NDUFS4: variants seen among roughly 807,000 people sequenced by gnomAD.
NDUFS4 encodes the protein NADH:ubiquinone oxidoreductase subunit S4, also known as NADH dehydrogenase [ubiquinone] iron-sulfur protein 4, mitochondrial.
NDUFS4 carries 28 observed loss-of-function variants against 24.3 expected under a neutral mutation model. That is an observed-to-expected ratio of 1.15 (90% CI 0.85 to 1.58). The LOEUF is 1.58. Among genes scored for constraint, NDUFS4 ranks in the 40% most tolerant of loss-of-function variants. The pLI, the probability that NDUFS4 is intolerant of heterozygous loss-of-function variation, is 0.00. For synonymous variants in NDUFS4, 93 were observed against 69.7 expected, an observed-to-expected ratio of 1.34 and a Z score of -1.67; for missense variants, 223 against 207.9, an observed-to-expected ratio of 1.07 and a Z score of -0.45.
Position 53,630,197 on chromosome 5 carries a change from G to A in NDUFS4, c.178-16036G>A, listed in dbSNP as rs139368516. On this transcript the variant is annotated intron_variant, in intron 2 of 4. Coordinates refer to ENST00000296684, the MANE Select transcript of NDUFS4 (RefSeq NM_002495.4). ...GAAAGTTCTTTTCTTTAAGAATGTTGAATATTGACCCCTACTCTCTTCTGG... is the reference window on the plus strand; with the variant it reads ...GAAAGTTCTTTTCTTTAAGAATGTTAAATATTGACCCCTACTCTCTTCTGG... Among the ~76,000 whole-genome samples the A allele has an allele frequency of 2.8e-4, 43 of 152,348 alleles. No homozygotes were observed. In the East Asian group the frequency reaches 7.9e-3, roughly 28 times the overall value.
chr5:53,681,156 A>C (rs1334875847), intron 4 of NDUFS4, among the ~76,000 whole-genome samples: 1 of 152,118 alleles, frequency 6.6e-6, no homozygotes. Flanking sequence ...TTGAGTGCCT[A>C]CTATAAACCA....
intron 4 of NDUFS4, among the ~76,000 whole-genome samples, chr5:53,672,823 C>T (rs1392691242): frequency 6.6e-6 from 1 of 151,846 alleles, no homozygotes; most frequent in Non-Finnish European, 1.5e-5. Context: ...GGAAACCACA[C>T]CAAGAACTTG....
chr5:53,617,264 T>G (rs960979095), intron 2 of NDUFS4, among the ~76,000 whole-genome samples: 1 of 152,178 alleles, frequency 6.6e-6, no homozygotes, highest in Non-Finnish European at 1.5e-5. Context: ...GTTCTGCCTC[T>G]CCTTTCCCCC....
chr5:53,607,751 T>A (rs1352889626), intron 2 of NDUFS4, among the ~76,000 whole-genome samples: 1 of 152,194 alleles, frequency 6.6e-6, no homozygotes, highest in Non-Finnish European at 1.5e-5. Context: ...CATATCTGTA[T>A]GATAATGAGT....
intron 4 of NDUFS4, among the ~76,000 whole-genome samples, chr5:53,665,407 A>G (rs1021520715): frequency 5.9e-5 from 9 of 152,176 alleles, no homozygotes; most frequent in African/African-American, 2.2e-4. Context: ...TTGTTTGGCT[A>G]TGCCCTACCC....
intron 4 of NDUFS4, among the ~76,000 whole-genome samples, chr5:53,663,445 A>G (rs546190185): frequency 6.6e-6 from 1 of 152,122 alleles, no homozygotes; most frequent in Non-Finnish European, 1.5e-5. Context: ...AAAGTCTCCC[A>G]TTGTTATTGC....
At chr5:53,636,924 C>T (rs1277179294) in intron 2 of NDUFS4, among the ~76,000 whole-genome samples, 2 of 152,128 alleles carry the variant, frequency 1.3e-5, no homozygotes, top group Non-Finnish European at 2.9e-5. Flanking sequence ...CCCAGCCATG[C>T]TTCTTGTACA....
intron 4 of NDUFS4, among the ~76,000 whole-genome samples, chr5:53,668,456 T>C (rs1752577914): frequency 6.6e-6 from 1 of 151,858 alleles, no homozygotes; most frequent in Non-Finnish European, 1.5e-5. Context: ...AAAACCTTTT[T>C]TTTGGAGGGG....
At chr5:53,595,554 A>T (rs768470513) in intron 1 of NDUFS4, among the ~76,000 whole-genome samples, 28 of 152,138 alleles carry the variant, frequency 1.8e-4, no homozygotes, top group Admixed American at 5.2e-4. Flanking sequence ...TTCTTCTCTC[A>T]TGTATATTTA....
chr5:53,583,202 A>G (rs967516073), intron 1 of NDUFS4, among the ~76,000 whole-genome samples: 7 of 152,120 alleles, frequency 4.6e-5, no homozygotes, highest in South Asian at 2.1e-4. Context: ...TTATGAAATA[A>G]CTGTTTGGGT....
chr5:53,635,424 G>T lies in NDUFS4; in HGVS notation c.178-10809G>T, dbSNP rs1450602550. Among the ~76,000 whole-genome samples the T allele has an allele frequency of 2.0e-5, 3 of 152,134 alleles. No individual in the cohort carries two copies. In the East Asian group the frequency reaches 5.8e-4, roughly 29 times the overall value. On this transcript the variant is annotated intron_variant, in intron 2 of 4. Coordinates refer to ENST00000296684, the MANE Select transcript of NDUFS4 (RefSeq NM_002495.4). ...AGTCTTAGCTACTCAGGAGGCTGAG[G>T]TGGTATGATCACCTGAGCCCAGAAA...
At chr5:53,594,255 G>T (rs1750063004) in intron 1 of NDUFS4, among the ~76,000 whole-genome samples, 1 of 152,072 alleles carries the variant, frequency 6.6e-6, no homozygotes, top group South Asian at 2.1e-4. Context: ...GTTACATCTT[G>T]TTGGAGAACT....
At chr5:53,589,443 G>A (rs1749872468) in intron 1 of NDUFS4, among the ~76,000 whole-genome samples, 1 of 152,198 alleles carries the variant, frequency 6.6e-6, no homozygotes. Context: ...TTGGTTACTG[G>A]GATGTAGGAA....
intron 4 of NDUFS4, among the ~76,000 whole-genome samples, chr5:53,667,195 G>A (rs1752539019): frequency 6.6e-6 from 1 of 151,548 alleles, no homozygotes; most frequent in Admixed American, 6.6e-5. Flanking sequence ...GCCAGGCGCG[G>A]TGGCTCACGC....
intron 1 of NDUFS4, among the ~76,000 whole-genome samples, chr5:53,583,266 T>TTA (rs1198563154): frequency 6.6e-6 from 1 of 152,228 alleles, no homozygotes; most frequent in East Asian, 1.9e-4. Context: ...ATGATGACTT[T>TTA]TATAGCTTTA....
chr5:53,630,440 G>A (rs1751377156), intron 2 of NDUFS4, among the ~76,000 whole-genome samples: 1 of 151,890 alleles, frequency 6.6e-6, no homozygotes, highest in African/African-American at 2.4e-5. Context: ...TGCTAGGTTG[G>A]GGAAGTTCTC....
intron 2 of NDUFS4, among the ~76,000 whole-genome samples, chr5:53,623,875 T>C (rs747647943): frequency 1.3e-5 from 2 of 152,038 alleles, no homozygotes; most frequent in African/African-American, 2.4e-5. Flanking sequence ...TGCACCACCA[T>C]GCCCTCCTAA....
At chr5:53,580,803 C>G (rs1489983068) in intron 1 of NDUFS4, among the ~76,000 whole-genome samples, 1 of 140,894 alleles carries the variant, frequency 7.1e-6, no homozygotes, top group Non-Finnish European at 1.5e-5. Flanking sequence ...TTCTCTCTTT[C>G]TTTCCCTTTC....
At chr5:53,574,494 G>A (rs1305531825) in intron 1 of NDUFS4, among the ~76,000 whole-genome samples, 1 of 152,120 alleles carries the variant, frequency 6.6e-6, no homozygotes, top group Non-Finnish European at 1.5e-5. Context: ...TTACATCTGT[G>A]TTTATGAAGA....
Sources: gnomAD v4.1 joint callset for allele counts (sites outside exome capture counted in the v4.1 genomes callset) on GRCh38, gnomAD v4.1.1 for gene constraint, MANE v1.5 for transcripts, NCBI Gene and HGNC (gene_info 2026-07-23, HGNC 2026-07-21) for gene names.